The following LHFPL3 variants were observed in gnomAD, a reference collection of about 807,000 sequenced individuals.
LHFPL3 encodes the protein LHFPL tetraspan subfamily member 3 protein.
LHFPL3 carries 5 observed loss-of-function variants against 19.3 expected under a neutral mutation model. That is an observed-to-expected ratio of 0.26 (90% CI 0.14 to 0.54). LHFPL3 has a LOEUF of 0.54. Among genes scored for constraint, LHFPL3 ranks in the 20% least tolerant of loss-of-function variants. LHFPL3 has a pLI of 0.94. For synonymous variants in LHFPL3, 133 were observed against 126.2 expected (o/e 1.05, Z -0.36); for missense variants, 249 against 307.4 (o/e 0.81, Z 1.42).
At chr7:104,624,288 C>A (rs79856823) in intron 1 of LHFPL3, among the ~76,000 whole-genome samples, 2 of 152,164 alleles carry the variant, frequency 1.3e-5, no homozygotes, top group Non-Finnish European at 2.9e-5. Context: ...ACCCAGTTCT[C>A]GGCGAAGTAG....
intron 2 of LHFPL3, chr7:104,845,548 C>T (rs1562812527): frequency 8.6e-7 from 1 of 1,166,130 alleles, no homozygotes; most frequent in East Asian, 2.7e-5. Context: ...ACTTGAGCCG[C>T]ATGAAACTGC....
At chr7:104,395,695 G>C (rs955929005) in intron 1 of LHFPL3, among the ~76,000 whole-genome samples, 1 of 152,048 alleles carries the variant, frequency 6.6e-6, no homozygotes, top group African/African-American at 2.4e-5. Flanking sequence ...CTCAATTTCT[G>C]CTCTGTCCCA....
intron 1 of LHFPL3, among the ~76,000 whole-genome samples, chr7:104,503,214 C>T (rs962211324): frequency 6.6e-6 from 1 of 151,686 alleles, no homozygotes; most frequent in Non-Finnish European, 1.5e-5. Flanking sequence ...AAAAGATGTT[C>T]ACATATAATT....
intron 2 of LHFPL3, among the ~76,000 whole-genome samples, chr7:104,901,661 G>T (rs1010303656): frequency 1.3e-5 from 2 of 151,982 alleles, no homozygotes; most frequent in African/African-American, 4.8e-5. Context: ...TCGACCTCCT[G>T]GTCTCAAACG....
intron 1 of LHFPL3, among the ~76,000 whole-genome samples, chr7:104,463,501 T>A (rs974241516): frequency 1.8e-4 from 28 of 152,302 alleles, no homozygotes; most frequent in African/African-American, 6.5e-4. Flanking sequence ...CTCATGCTGC[T>A]AATAAAGACA....
At chr7:104,524,332 A>G (rs943413260) in intron 1 of LHFPL3, among the ~76,000 whole-genome samples, 5 of 152,166 alleles carry the variant, frequency 3.3e-5, no homozygotes, top group African/African-American at 7.2e-5. Flanking sequence ...AGGCCGGGCA[A>G]GGGACTCCAA....
intron 1 of LHFPL3, among the ~76,000 whole-genome samples, chr7:104,693,701 T>C (rs1357463922): frequency 3.9e-5 from 6 of 151,900 alleles, no homozygotes; most frequent in Admixed American, 1.3e-4. Context: ...CTTTTCTTTT[T>C]TTTTTTTTTT....
intron 1 of LHFPL3, among the ~76,000 whole-genome samples, chr7:104,602,020 C>CTTTTTTTTTTTTTTTT (rs57501560): frequency 1.3e-4 from 12 of 91,454 alleles, no homozygotes; most frequent in Admixed American, 1.7e-4. Flanking sequence ...TTTTTCTTTT[C>CTTTTTTTTTTTTTTTT]TTTTTTTTTT....
intron 1 of LHFPL3, among the ~76,000 whole-genome samples, chr7:104,625,989 A>G (rs1791537124): frequency 6.6e-6 from 1 of 152,204 alleles, no homozygotes; most frequent in Admixed American, 6.6e-5. Flanking sequence ...AATTTGCCTG[A>G]CAGGCCCTAA....
chr7:104,371,251 A>G (rs1790608000), intron 1 of LHFPL3, among the ~76,000 whole-genome samples: 1 of 152,202 alleles, frequency 6.6e-6, no homozygotes, highest in Non-Finnish European at 1.5e-5. Flanking sequence ...TTTTAATTAA[A>G]AAAAATTAAT....
chr7:104,857,231 C>T (rs12705284), intron 2 of LHFPL3, among the ~76,000 whole-genome samples: 74,798 of 150,144 alleles, frequency 0.5, 19,176 homozygotes, highest in Non-Finnish European at 0.58. Flanking sequence ...TTTTATTCAC[C>T]GCTACCACGG....
chr7:104,754,996 G>A (rs1359583353), intron 2 of LHFPL3, among the ~76,000 whole-genome samples: 2 of 152,202 alleles, frequency 1.3e-5, no homozygotes, highest in Non-Finnish European at 2.9e-5. Context: ...TCTGCATGAG[G>A]AGGAAGAAGG....
At chr7:104,481,045 G>T (rs749048336) in intron 1 of LHFPL3, among the ~76,000 whole-genome samples, 6 of 152,126 alleles carry the variant, frequency 3.9e-5, no homozygotes, top group Non-Finnish European at 8.8e-5. Context: ...ACTTTGCCTT[G>T]CTGGGTGACA....
At chr7:104,396,318 A>C (rs1214126983) in intron 1 of LHFPL3, among the ~76,000 whole-genome samples, 1 of 152,166 alleles carries the variant, frequency 6.6e-6, no homozygotes, top group Non-Finnish European at 1.5e-5. Context: ...TCAAAAGGTG[A>C]GAAATGGGGA....
intron 2 of LHFPL3, chr7:104,738,681 A>G (rs568209459): frequency 2.0e-5 from 3 of 152,322 alleles, no homozygotes; most frequent in East Asian, 3.9e-4. Flanking sequence ...CTCCCGATTC[A>G]TGGTTCAGAA....
intron 1 of LHFPL3, among the ~76,000 whole-genome samples, chr7:104,701,943 A>G (rs1427108946): frequency 2.0e-5 from 3 of 152,150 alleles, no homozygotes; most frequent in African/African-American, 4.8e-5. Context: ...TACATGTGCC[A>G]TGGTGGTTTG....
chr7:104,660,496 T>TAC (rs1169534500), intron 1 of LHFPL3, among the ~76,000 whole-genome samples: 3 of 152,236 alleles, frequency 2.0e-5, no homozygotes, highest in Non-Finnish European at 2.9e-5. Context: ...TTGTACTATG[T>TAC]CACGTTGTCT....
intron 1 of LHFPL3, among the ~76,000 whole-genome samples, chr7:104,633,132 T>A (rs1791674202): frequency 6.6e-6 from 1 of 152,186 alleles, no homozygotes; most frequent in African/African-American, 2.4e-5. Context: ...ATAAGAGGCT[T>A]CTGAAATCTT....
chr7:104,491,729 C>A (rs2115694965), intron 1 of LHFPL3, among the ~76,000 whole-genome samples: 1 of 152,292 alleles, frequency 6.6e-6, no homozygotes, highest in East Asian at 1.9e-4. Flanking sequence ...TATAAAAGCA[C>A]AGAATTATAA....
Sources: allele counts gnomAD v4.1 joint callset (sites outside exome capture counted in the v4.1 genomes callset), GRCh38; gene constraint gnomAD v4.1.1; transcripts MANE v1.5; gene names NCBI Gene and HGNC (gene_info 2026-07-23, HGNC 2026-07-21).